ERMAP: variants seen among roughly 807,000 people sequenced by gnomAD.
The protein encoded by ERMAP is erythroblast membrane associated protein (Scianna blood group), also known as erythroid membrane-associated protein.
A neutral mutation model predicts 49.5 loss-of-function variants in ERMAP; 34 were observed. The observed-to-expected ratio is 0.69, with a 90% CI of 0.52 to 0.91. ERMAP has a LOEUF of 0.91. Among genes scored for constraint, ERMAP ranks in the 40% least tolerant of loss-of-function variants. ERMAP has a pLI of 0.00. For synonymous variants in ERMAP, 214 were observed against 232.2 expected (o/e 0.92, Z 0.71); for missense variants, 541 against 582.6 (o/e 0.93, Z 0.74).
At chr1:42,840,752 G>A (rs1002986345) in intron 11 of ERMAP, among the ~76,000 whole-genome samples, 5 of 151,962 alleles carry the variant, frequency 3.3e-5, no homozygotes, top group East Asian at 3.9e-4. Context: ...TTATTTTTAC[G>A]TAGTCAAATT....
chr1:42,830,157 A>T (rs1654673774), intron 2 of ERMAP: 1 of 421,758 alleles, frequency 2.4e-6, no homozygotes, highest in Non-Finnish European at 4.4e-6. Flanking sequence ...CGGCATTTAG[A>T]GACTTAACAC....
chr1:42,827,534 A>G (rs1557606399), intron 2 of ERMAP, among the ~76,000 whole-genome samples: 1 of 152,216 alleles, frequency 6.6e-6, no homozygotes, highest in East Asian at 1.9e-4. Flanking sequence ...ATATTTATAG[A>G]AACATTATCT....
At position 42,817,344 on chromosome 1, in the gene ERMAP, G is replaced by C. The variant is rs576779591; in HGVS notation, c.-122+91G>C. 4.9e-3 allele frequency: 4,245 copies of C among 857,662 alleles called. 16 individuals carry two copies. The highest frequency in any genetic ancestry group is 0.011 in the Middle Eastern group (32 of 2,970). 53.1% of individuals were successfully genotyped at this position (857,662 alleles called of 1,614,324 possible). A position where few individuals can be genotyped will look rare whatever the true frequency, so the allele number is the denominator to read the frequency against. ...GGGGCCGCGCGCCGGGGGGAGGGGC[G>C]CAGGGCCGAGCGCCAGGAGGCTTCC... On this transcript the variant is annotated intron_variant, in intron 1 of 11. Transcript: ENST00000372517.
At position 42,842,997 on chromosome 1, in the gene ERMAP, G is replaced by A; in HGVS notation, c.1193G>A (p.Cys398Tyr). ...CCCCTTCGCCCTTTCTTTGAACCTT[G>A]CCTTCATGATGGAGGAAAAAACACA... ...SGPLRPFFEPCLHDGGKNTAP... is the reference protein window; with the variant it reads ...SGPLRPFFEPYLHDGGKNTAP... Residue 398 changes from cysteine (C) to tyrosine (Y), a missense_variant, in exon 12 of 12, where the codon TGC (cysteine) becomes TAC (tyrosine). Cys to Tyr is a radical substitution (Grantham distance 194). Transcript: ENST00000372517. 6.2e-7 allele frequency: 1 copy of A among 1,614,096 alleles called. No individual in the cohort carries two copies. The highest frequency in any genetic ancestry group is 8.5e-7 in the Non-Finnish European group (1 of 1,180,022).
Position 42,844,098 on chromosome 1 carries a change from A to C in ERMAP, c.*866A>C, listed in dbSNP as rs1382781691. The C allele has an allele frequency of 2.5e-5, 10 of 398,506 alleles. No homozygotes were observed. The highest frequency in any genetic ancestry group is 4.0e-5 in the Non-Finnish European group (9 of 226,078). 24.7% of individuals were successfully genotyped at this position (398,506 alleles called of 1,614,324 possible). ...CTGAGATTCAGAGAGGTCCAGCTAG[A>C]AAAAGTGGCAGTTTTAACCACCAAC... is the stretch of plus-strand genomic sequence containing the variant. On this transcript the variant is annotated 3_prime_UTR_variant, in exon 12 of 12. Transcript: ENST00000372517. The surrounding 1 kb of genome is among the most constrained non-coding windows in gnomAD (Gnocchi z 4.0).
Position 42,843,210 on chromosome 1 carries a change from A to G in ERMAP, c.1406A>G (p.Glu469Gly), listed in dbSNP as rs754462144. The change falls in exon 12 of 12, where the codon GAG becomes GGG. Residue 469 changes from glutamate (E) to glycine (G), a missense_variant. Coordinates refer to ENST00000372517, the MANE Select transcript of ERMAP (RefSeq NM_001017922.2). The stretch of plus-strand genomic sequence containing the variant: ...CCTGACCTTGGCCCAGCCCTTCAGG[A>G]GCTCAAGGCTCCTTCTTTTTAGGGA... ...LPPDLGPALQ[E>G]LKAPSF 1 of 1,590,738 alleles carries G rather than the reference A, an allele frequency of 6.3e-7. No homozygotes were observed. The highest frequency in any genetic ancestry group is 8.5e-7 in the Non-Finnish European group (1 of 1,170,876).
chr1:42,840,083 T>C (rs2124357634), intron 9 of ERMAP, 30 bp downstream of exon 9: 2 of 1,614,174 alleles, frequency 1.2e-6, no homozygotes, highest in South Asian at 1.1e-5. Flanking sequence ...GTAACTTCCG[T>C]ACCAACTTAT....
chr1:42,833,392 G>C (rs968071101), intron 4 of ERMAP, among the ~76,000 whole-genome samples: 1 of 152,146 alleles, frequency 6.6e-6, no homozygotes, highest in Non-Finnish European at 1.5e-5. Context: ...ATGTATCTCT[G>C]AGCATGTATG....
At chr1:42,834,693 T>A (rs1654842251) in intron 4 of ERMAP, 1 of 235,522 alleles carries the variant, frequency 4.2e-6, no homozygotes, top group Non-Finnish European at 8.5e-6. Flanking sequence ...AGAGCTGGGA[T>A]TACAGGTGCC....
chr1:42,844,426 C>T lies in ERMAP; in HGVS notation c.*1194C>T, dbSNP rs1655155786. ...TTTGTCAGAAGTTCTCCGTTAGTTC[C>T]TGTATTAGTCAAGGTTTTCCAGAGA... On this transcript the variant is annotated 3_prime_UTR_variant, in exon 12 of 12. Coordinates refer to ENST00000372517, the MANE Select transcript of ERMAP (RefSeq NM_001017922.2). The surrounding 1 kb of genome is among the most constrained non-coding windows in gnomAD (Gnocchi z 4.0). 3.9e-6 allele frequency: 1 copy of T among 258,464 alleles called. No individual in the cohort carries two copies. The highest frequency in any genetic ancestry group is 7.3e-6 in the Non-Finnish European group (1 of 137,720). 16.0% of individuals were successfully genotyped at this position (258,464 alleles called of 1,614,324 possible).
rs750066994 is a variant in ERMAP, at chr1:42,830,856, G to A, written c.174G>A (p.Thr58=). 1.7e-5 allele frequency: 27 copies of A among 1,609,586 alleles called. No individual in the cohort carries two copies. Among genetic ancestry groups the A allele is most frequent in the Non-Finnish European group, 2.0e-5 (24 of 1,178,088 alleles). ...GCCCTCTCTCCCTCTGGCCCGGGACGGTACCCAAGGAGGTGAGGTGGCTGC... is the reference window on the plus strand; with the variant it reads ...GCCCTCTCTCCCTCTGGCCCGGGACAGTACCCAAGGAGGTGAGGTGGCTGC... ...LLCPLSLWPG[T]VPKEVRWLRS... is the part of the protein sequence containing the mutation. Residue 58 remains threonine, a synonymous_variant, in exon 4 of 12, where the codon ACG becomes ACA. Transcript: ENST00000372517.
At chr1:42,822,727 G>A (rs1204459935) in intron 1 of ERMAP, among the ~76,000 whole-genome samples, 4 of 152,116 alleles carry the variant, frequency 2.6e-5, no homozygotes, top group African/African-American at 9.7e-5. Flanking sequence ...CTCCTACCTA[G>A]CTGTAATTTT....
chr1:42,836,715 G>A (rs1654910191), intron 6 of ERMAP, among the ~76,000 whole-genome samples: 1 of 152,002 alleles, frequency 6.6e-6, no homozygotes, highest in Non-Finnish European at 1.5e-5. Flanking sequence ...AATTAGTGGA[G>A]CATGGTGGTG....
In ERMAP at chr1:42,824,111, G is replaced by A. The variant is rs572444161; in HGVS notation, c.-121-1512G>A. Among the ~76,000 whole-genome samples, 3 of 152,220 alleles carry A rather than the reference G, an allele frequency of 2.0e-5. No homozygotes were observed. The East Asian group carries it at 5.8e-4, about 29-fold the overall frequency. On this transcript the variant is annotated intron_variant, in intron 1 of 11. Coordinates refer to ENST00000372517, the MANE Select transcript of ERMAP (RefSeq NM_001017922.2). ...TGTAATCCCAGCACTTTGGGAGGCC[G>A]AGGCGGGCGGATCACAAGGTCAGGA... is the stretch of plus-strand genomic sequence containing the variant.
At position 42,843,011 on chromosome 1, in the gene ERMAP, G is replaced by T; in HGVS notation, c.1207G>T (p.Gly403Ter). 1 of 1,613,972 alleles carries T rather than the reference G, an allele frequency of 6.2e-7. No homozygotes were observed. Among genetic ancestry groups the T allele is most frequent in the South Asian group, 1.1e-5 (1 of 91,058 alleles). ...PFFEPCLHDG[G>*]KNTAPLVICS... ...CTTTGAACCTTGCCTTCATGATGGA[G>T]GAAAAAACACAGCACCTCTAGTCAT... is the stretch of plus-strand genomic sequence containing the variant. Residue 403 changes from glycine (G) to a stop codon, truncating the protein, a stop_gained, in exon 12 of 12, where the codon GGA becomes TGA. Transcript: ENST00000372517. LOFTEE classifies it high-confidence loss of function.
intron 4 of ERMAP, 143 bp downstream of exon 4, chr1:42,831,258 C>T (rs1654722002): frequency 9.6e-7 from 1 of 1,038,694 alleles, no homozygotes; most frequent in Non-Finnish European, 1.4e-6. Context: ...CCTTACCCAG[C>T]CATGTCCATT....
chr1:42,830,888 C>T lies in ERMAP; in HGVS notation c.206C>T (p.Pro69Leu), dbSNP rs1654706818. Residue 69 changes from proline to leucine, a missense_variant, in exon 4 of 12, where the codon CCA becomes CTA. Coordinates refer to ENST00000372517, the MANE Select transcript of ERMAP (RefSeq NM_001017922.2). ...VPKEVRWLRSPFPQRSQAVHI... is the reference protein window; with the variant it reads ...VPKEVRWLRSLFPQRSQAVHI... ...AAGGAGGTGAGGTGGCTGCGGTCCC[C>T]ATTCCCGCAGCGCTCCCAGGCTGTT... is the stretch of plus-strand genomic sequence containing the variant. 1.2e-6 allele frequency: 2 copies of T among 1,613,806 alleles called. No homozygotes were observed. Among genetic ancestry groups the T allele is most frequent in the Admixed American group, 3.3e-5 (2 of 59,970 alleles).
intron 3 of ERMAP, 23 bp from the exon 4 acceptor site, chr1:42,830,745 G>A (rs1654698535): frequency 6.6e-7 from 1 of 1,508,256 alleles, no homozygotes; most frequent in African/African-American, 1.4e-5. Flanking sequence ...CTCCCAGTTG[G>A]CCTTGTCTCT....
Position 42,830,467 on chromosome 1 carries a change from G to C in ERMAP, c.19G>C (p.Ala7Pro). MEMASS[A>P]GSWLSGCLIP... ...AGTTCGGATGGAGATGGCGAGTTCT[G>C]CTGGCTCCTGGCTCTCTGGCTGCCT... Residue 7 changes from alanine to proline, a missense_variant, in exon 3 of 12, where the codon GCT becomes CCT. Coordinates refer to ENST00000372517, the MANE Select transcript of ERMAP (RefSeq NM_001017922.2). 6.2e-7 allele frequency: 1 copy of C among 1,614,154 alleles called. No individual in the cohort carries two copies. Among genetic ancestry groups the C allele is most frequent in the Non-Finnish European group, 8.5e-7 (1 of 1,180,022 alleles).
Sources: gnomAD v4.1 joint callset for allele counts (sites outside exome capture counted in the v4.1 genomes callset) on GRCh38, gnomAD v4.1.1 for gene constraint, Gnocchi (gnomAD v3.1) non-coding constraint, MANE v1.5 for transcripts, NCBI Gene and HGNC (gene_info 2026-07-23, HGNC 2026-07-21) for gene names.